P2RX5: variants seen among roughly 807,000 people sequenced by gnomAD.
P2RX5 encodes the protein P2X purinoceptor 5.
A neutral mutation model predicts 54.1 loss-of-function variants in P2RX5; 46 were observed. The observed-to-expected ratio is 0.85, with a 90% CI of 0.67 to 1.09. The LOEUF is 1.09. Ranked by LOEUF, P2RX5 falls within the 50% of genes least tolerant of loss-of-function variation. The probability of loss-of-function intolerance (pLI) is 0.00; values close to 1 mark genes in which losing one functional copy is unlikely to be tolerated. For synonymous variants in P2RX5, 226 were observed against 226.4 expected (o/e 1.00, Z 0.02); for missense variants, 566 against 549.8 (o/e 1.03, Z -0.29).
chr17:3,714,985 G>A, the P2RX5 span: 10 of 1,208,176 alleles, frequency 8.3e-6, no homozygotes, highest in Admixed American at 7.1e-5. Flanking sequence ...GCCAAAGATA[G>A]CCATCTGTTT....
At chr17:3,676,353 G>C in intron 11 of P2RX5, 1 of 985,432 alleles carries the variant, frequency 1.0e-6, no homozygotes, top group Non-Finnish European at 1.2e-6. Context: ...GAAACCACAC[G>C]AGTTTTCGGC....
the P2RX5 span, chr17:3,716,763 A>G: frequency 2.5e-5 from 41 of 1,608,344 alleles, no homozygotes; most frequent in Non-Finnish European, 3.2e-5. Context: ...TAGGCAAAGA[A>G]TGGTACTTCT....
intron 11 of P2RX5, among the ~76,000 whole-genome samples, chr17:3,678,816 A>G (rs2050161255): frequency 6.6e-6 from 1 of 152,210 alleles, no homozygotes; most frequent in Admixed American, 6.5e-5. Flanking sequence ...AGGGGAAAAA[A>G]GGGAAAACAA....
At chr17:3,704,123 C>A in the P2RX5 span, among the ~76,000 whole-genome samples, 10 of 95,296 alleles carry the variant, frequency 1.0e-4, no homozygotes, top group Admixed American at 2.2e-4. Flanking sequence ...ACAAACAAAA[C>A]CCAAAAAACC....
chr17:3,691,573 C>T lies in P2RX5; in HGVS notation c.288+71G>A, dbSNP rs1197014387. 2.1e-5 allele frequency: 34 copies of T among 1,590,310 alleles called. No individual in the cohort carries two copies. In the East Asian group the frequency reaches 7.1e-4, roughly 33 times the overall value. On this transcript the variant is annotated intron_variant, in intron 2 of 11. Coordinates refer to ENST00000225328, the MANE Select transcript of P2RX5 (RefSeq NM_002561.4). ...TGGGGGTCCCTGCGTATCCAAGAAG[C>T]TTCCCGTGTGACCCACCCGAACCAG...
chr17:3,723,789 G>A, the P2RX5 span: 49 of 1,598,826 alleles, frequency 3.1e-5, no homozygotes, highest in South Asian at 4.1e-4. Flanking sequence ...AAACCAAGCC[G>A]CCAGTTTTCC....
At chr17:3,693,028 G>T (rs1049280824) in intron 1 of P2RX5, among the ~76,000 whole-genome samples, 1 of 149,896 alleles carries the variant, frequency 6.7e-6, no homozygotes, top group Non-Finnish European at 1.5e-5. Context: ...GCTGGTAAGG[G>T]TTTAGTATCC....
At chr17:3,695,645 C>G (rs2050736454) in intron 1 of P2RX5, among the ~76,000 whole-genome samples, 1 of 152,164 alleles carries the variant, frequency 6.6e-6, no homozygotes, top group African/African-American at 2.4e-5. Context: ...GCCCACCTCT[C>G]ATCACCTCTA....
chr17:3,677,567 T>G (rs2050133451), intron 11 of P2RX5: 1 of 985,308 alleles, frequency 1.0e-6, no homozygotes, highest in African/African-American at 1.7e-5. Context: ...ACCATCATTC[T>G]CGGCAGGGAT....
intron 8 of P2RX5, 98 bp downstream of exon 8, chr17:3,688,528 A>G (rs220488): frequency 0.16 from 217,767 of 1,343,650 alleles, 19,004 homozygotes; most frequent in East Asian, 0.29. Context: ...CCGCTCTGAC[A>G]CCCACCCCCA....
chr17:3,695,941 A>G lies in P2RX5; in HGVS notation c.65T>C (p.Val22Ala). ...SLFDYKTEKY[V>A]IAKNKKVGLL... ...GCCCACCTTCTTGTTCTTGGCGATG[A>G]CATACTTCTCGGTCTTGTAGTCGAA... is the stretch of plus-strand genomic sequence containing the variant. Residue 22 changes from valine to alanine, a missense_variant, in exon 1 of 12, where the codon GTC becomes GCC. Coordinates refer to ENST00000225328, the MANE Select transcript of P2RX5 (RefSeq NM_002561.4). The G allele has an allele frequency of 6.2e-7, 1 of 1,614,040 alleles. No individual in the cohort carries two copies. Among genetic ancestry groups the G allele is most frequent in the East Asian group, 2.2e-5 (1 of 44,872 alleles).
intron 9 of P2RX5, among the ~76,000 whole-genome samples, chr17:3,683,067 A>G (rs566462963): frequency 6.6e-6 from 1 of 152,214 alleles, no homozygotes. Context: ...CAAAAAAGGA[A>G]GATGATGAGG....
chr17:3,723,504 G>T, the P2RX5 span: 1 of 974,816 alleles, frequency 1.0e-6, no homozygotes, highest in Non-Finnish European at 1.6e-6. Flanking sequence ...CAATTTCAGC[G>T]CTCACCTCGG....
chr17:3,699,720 G>T (rs976068865), upstream of P2RX5, among the ~76,000 whole-genome samples: 3 of 150,282 alleles, frequency 2.0e-5, no homozygotes, highest in Non-Finnish European at 4.4e-5. Context: ...CAGGAGAATC[G>T]CTTGAACCCA....
At chr17:3,707,660 G>A in the P2RX5 span, among the ~76,000 whole-genome samples, 6 of 151,884 alleles carry the variant, frequency 4.0e-5, no homozygotes, top group Admixed American at 6.6e-5. Flanking sequence ...CCCCCCTCTC[G>A]GCCCTGGACA....
At chr17:3,699,923 A>AAAGAAAGAAAGAAAG (rs1567744425), upstream of P2RX5, among the ~76,000 whole-genome samples, 9 of 69,112 alleles carry the variant, frequency 1.3e-4, no homozygotes, top group African/African-American at 3.5e-4. Context: ...GGAAGGAAAG[A>AAAGAAAGAAAGAAAG]AAGAAAGAAA....
chr17:3,690,388 T>C (rs1261502089), intron 5 of P2RX5, 39 bp downstream of exon 5: 1 of 1,506,224 alleles, frequency 6.6e-7, no homozygotes, highest in South Asian at 1.1e-5. Flanking sequence ...CGCACGGGGC[T>C]GGGAAACCCC....
chr17:3,675,562 T>A (rs537397897), intron 11 of P2RX5: 7 of 983,514 alleles, frequency 7.1e-6, no homozygotes, highest in South Asian at 4.7e-5. Context: ...CACTTTCTTT[T>A]TTTTTTTTTG....
At chr17:3,708,067 A>G in the P2RX5 span, among the ~76,000 whole-genome samples, 1 of 151,322 alleles carries the variant, frequency 6.6e-6, no homozygotes, top group Non-Finnish European at 1.5e-5. Flanking sequence ...CAAAAAAAAA[A>G]AAAAAAAAAA....
Sources: gnomAD v4.1 joint callset for allele counts (sites outside exome capture counted in the v4.1 genomes callset) on GRCh38, gnomAD v4.1.1 for gene constraint, MANE v1.5 for transcripts, NCBI Gene and HGNC (gene_info 2026-07-23, HGNC 2026-07-21) for gene names.